PDE10A: variants seen among roughly 807,000 people sequenced by gnomAD.
PDE10A encodes the protein phosphodiesterase 10A, also known as cAMP and cAMP-inhibited cGMP 3',5'-cyclic phosphodiesterase 10A.
In PDE10A, 39 loss-of-function variants were observed where a neutral mutation model predicts 97.7. The ratio of observed to expected loss-of-function variants is 0.40; its 90% CI spans 0.31 to 0.52. PDE10A has a LOEUF of 0.52. Ranked by LOEUF, PDE10A falls within the 20% of genes least tolerant of loss-of-function variation. The pLI is 0.56. For synonymous variants in PDE10A, 371 were observed against 376.8 expected, an observed-to-expected ratio of 0.98 and a Z score of 0.18; for missense variants, 731 against 1,047.8, an observed-to-expected ratio of 0.70 and a Z score of 4.17.
In PDE10A at chr6:165,984,136, A is replaced by G. The variant is rs554838668; in HGVS notation, c.-615+3393T>C. 1.5e-3 allele frequency among the ~76,000 whole-genome samples: 227 copies of G among 152,362 alleles called. 2 individuals carry two copies. The highest frequency in any genetic ancestry group is 0.011 in the South Asian group (54 of 4,826). Reference sequence around the variant, plus strand: ...TTTTTAGTTGCCAAATACAAAGGATATAATAAAATCTTTAGACATTTTTAT... The same window carrying G: ...TTTTTAGTTGCCAAATACAAAGGATGTAATAAAATCTTTAGACATTTTTAT... On this transcript the variant is annotated intron_variant, in intron 1 of 19. Transcript: ENST00000366882.
At chr6:165,583,239 A>G (rs1785716568) in intron 1 of PDE10A, among the ~76,000 whole-genome samples, 1 of 152,204 alleles carries the variant, frequency 6.6e-6, no homozygotes, top group African/African-American at 2.4e-5. Flanking sequence ...TACATAGCAA[A>G]TGTGTACCTG....
intron 1 of PDE10A, among the ~76,000 whole-genome samples, chr6:165,889,034 A>T (rs371130619): frequency 6.6e-6 from 1 of 152,214 alleles, no homozygotes; most frequent in Non-Finnish European, 1.5e-5. Flanking sequence ...TTATGAACTG[A>T]ATATCAATGC....
chr6:165,739,312 A>G (rs1299011837), intron 1 of PDE10A, among the ~76,000 whole-genome samples: 1 of 152,244 alleles, frequency 6.6e-6, no homozygotes, highest in African/African-American at 2.4e-5. Context: ...GGAACAGAGT[A>G]GAGAGCCCAG....
intron 1 of PDE10A, among the ~76,000 whole-genome samples, chr6:165,703,028 G>A (rs1422319913): frequency 6.6e-6 from 1 of 152,200 alleles, no homozygotes; most frequent in Non-Finnish European, 1.5e-5. Context: ...TCATAAACAC[G>A]ATTCGGCATC....
rs536856259 is a variant in PDE10A, at chr6:165,433,942, G to A, written c.1336-813C>T. On this transcript the variant is annotated intron_variant, in intron 6 of 21. Transcript: ENST00000539869. ...TGAGGCAGGAGAATGGCGTGAACCCGGGAGGCGGAGCTTGCAGTGAGCCGA... is the reference window on the plus strand; with the variant it reads ...TGAGGCAGGAGAATGGCGTGAACCCAGGAGGCGGAGCTTGCAGTGAGCCGA... Among the ~76,000 whole-genome samples, 69 of 150,220 alleles carry A rather than the reference G, an allele frequency of 4.6e-4. No homozygotes were observed. In the East Asian group the frequency reaches 0.011, roughly 24 times the overall value.
chr6:165,713,972 G>A (rs144837108), intron 1 of PDE10A, among the ~76,000 whole-genome samples: 43 of 152,292 alleles, frequency 2.8e-4, no homozygotes, highest in African/African-American at 8.4e-4. Context: ...CTTTAAGCCT[G>A]CCTTACTGAG....
chr6:165,943,541 G>C (rs540043028), intron 1 of PDE10A, among the ~76,000 whole-genome samples: 1 of 152,144 alleles, frequency 6.6e-6, no homozygotes, highest in Non-Finnish European at 1.5e-5. Flanking sequence ...AGCCACTGGC[G>C]TAAGTACAGA....
intron 3 of PDE10A, among the ~76,000 whole-genome samples, chr6:165,469,506 T>G (rs912562792): frequency 1.3e-5 from 2 of 152,248 alleles, no homozygotes; most frequent in African/African-American, 4.8e-5. Context: ...GAAGAATTTT[T>G]CTCTCCGGTT....
chr6:165,453,881 A>C (rs932053129), intron 3 of PDE10A, among the ~76,000 whole-genome samples: 3 of 152,184 alleles, frequency 2.0e-5, no homozygotes, highest in Non-Finnish European at 2.9e-5. Flanking sequence ...TAGAGTTACC[A>C]ACTCCACAAC....
At chr6:165,858,592 A>G (rs1780814756) in intron 1 of PDE10A, among the ~76,000 whole-genome samples, 1 of 152,204 alleles carries the variant, frequency 6.6e-6, no homozygotes. Flanking sequence ...ATAAGATCAC[A>G]CCAGAAAAGG....
intron 1 of PDE10A, among the ~76,000 whole-genome samples, chr6:165,543,845 TA>T (rs11324886): frequency 0.29 from 43,994 of 151,734 alleles, 7,227 homozygotes; most frequent in African/African-American, 0.45. Context: ...TTTAAAATGG[TA>T]AAAAAACACC....
chr6:165,357,065 G>A (rs1466720540), intron 18 of PDE10A, among the ~76,000 whole-genome samples: 1 of 151,986 alleles, frequency 6.6e-6, no homozygotes, highest in Non-Finnish European at 1.5e-5. Flanking sequence ...TGTATTCCTA[G>A]TTTTCTGAGA....
At chr6:165,454,801 A>G (rs6914589) in intron 3 of PDE10A, among the ~76,000 whole-genome samples, 67,193 of 152,072 alleles carry the variant, frequency 0.44, 15,406 homozygotes, top group Middle Eastern at 0.59. Context: ...AACGGCGCAG[A>G]CTATTGACAT....
intron 1 of PDE10A, among the ~76,000 whole-genome samples, chr6:165,648,233 C>T (rs1295294200): frequency 1.3e-5 from 2 of 151,944 alleles, no homozygotes; most frequent in Non-Finnish European, 1.5e-5. Flanking sequence ...AGGATGGTCT[C>T]GATCTCCTGA....
intron 1 of PDE10A, among the ~76,000 whole-genome samples, chr6:165,737,458 C>T (rs1359602195): frequency 6.6e-6 from 1 of 152,154 alleles, no homozygotes; most frequent in Non-Finnish European, 1.5e-5. Flanking sequence ...AAGTGGGATT[C>T]ACTCCAGGAA....
intron 13 of PDE10A, among the ~76,000 whole-genome samples, chr6:165,412,206 A>G (rs2128227048): frequency 6.6e-6 from 1 of 152,266 alleles, no homozygotes; most frequent in African/African-American, 2.4e-5. Context: ...AATTAATAAA[A>G]TAAAGCATAA....
chr6:165,594,205 G>T (rs1357210882), intron 1 of PDE10A, among the ~76,000 whole-genome samples: 2 of 152,178 alleles, frequency 1.3e-5, no homozygotes. Flanking sequence ...AACAGAACCA[G>T]AGTTCCTTGG....
chr6:165,975,750 A>C (rs1784827557), intron 1 of PDE10A, among the ~76,000 whole-genome samples: 1 of 152,228 alleles, frequency 6.6e-6, no homozygotes, highest in Non-Finnish European at 1.5e-5. Flanking sequence ...CTTAGTGGAT[A>C]CTTGGCACAT....
At position 165,744,153 on chromosome 6, in the gene PDE10A, A is replaced by G. The variant is rs375583684; in HGVS notation, c.-614-200585T>C. Among the ~76,000 whole-genome samples, 33 of 152,368 alleles carry G rather than the reference A, an allele frequency of 2.2e-4. No homozygotes were observed. The East Asian group carries it at 4.2e-3, about 20-fold the overall frequency. ...TAACTTAAGATGCTAGATTAATTACATATTTCTGAAACAATTTATTCATTT... is the reference window on the plus strand; with the variant it reads ...TAACTTAAGATGCTAGATTAATTACGTATTTCTGAAACAATTTATTCATTT... On this transcript the variant is annotated intron_variant, in intron 1 of 19. Coordinates refer to the PDE10A transcript ENST00000366882.
Sources: allele counts gnomAD v4.1 joint callset (sites outside exome capture counted in the v4.1 genomes callset), GRCh38; gene constraint gnomAD v4.1.1; transcripts MANE v1.5; gene names NCBI Gene and HGNC (gene_info 2026-07-23, HGNC 2026-07-21).